The following VPS39 variants were observed in gnomAD, a reference collection of about 807,000 sequenced individuals.
VPS39 encodes the protein VPS39 subunit of HOPS complex.
Under a neutral mutation model 121.0 loss-of-function variants are expected in VPS39, and 70 were observed. The observed-to-expected ratio is 0.58, with a 90% CI of 0.48 to 0.71. The LOEUF is 0.71. Ranked by LOEUF, VPS39 falls within the 30% of genes least tolerant of loss-of-function variation. The probability of loss-of-function intolerance (pLI) is 0.00; values close to 1 mark genes in which losing one functional copy is unlikely to be tolerated. For synonymous variants in VPS39, 378 were observed against 398.1 expected (o/e 0.95, Z 0.60); for missense variants, 818 against 1,051.5 (o/e 0.78, Z 3.07).
chr15:42,172,308 G>C (rs115559049), intron 11 of VPS39, among the ~76,000 whole-genome samples: 2,179 of 152,260 alleles, frequency 0.014, 47 homozygotes, highest in African/African-American at 0.05. Context: ...GACAAGAACT[G>C]AGGCCCCTGG....
intron 1 of VPS39, among the ~76,000 whole-genome samples, chr15:42,200,548 T>C (rs1295652576): frequency 6.6e-6 from 1 of 152,176 alleles, no homozygotes; most frequent in Non-Finnish European, 1.5e-5. Context: ...GTAGAAAATA[T>C]TTAATAACAA....
chr15:42,174,084 A>G (rs1235782618), intron 10 of VPS39, among the ~76,000 whole-genome samples: 4 of 152,044 alleles, frequency 2.6e-5, no homozygotes, highest in Non-Finnish European at 5.9e-5. Flanking sequence ...CGTCTCTACT[A>G]AAAATACAAA....
At position 42,169,872 on chromosome 15, in the gene VPS39, T is replaced by A; in HGVS notation, c.1091-6A>T. 1 of 1,606,926 alleles carries A rather than the reference T, an allele frequency of 6.2e-7. No homozygotes were observed. The highest frequency in any genetic ancestry group is 1.1e-5 in the South Asian group (1 of 89,892). ...GCCCATCACATGGGTGGGATCTATA[T>A]GGAAGGTAAACATGATTCCTCTGGA... is the stretch of plus-strand genomic sequence containing the variant. On this transcript the variant is annotated splice_region_variant and splice_polypyrimidine_tract_variant and intron_variant, in intron 11 of 24. Coordinates refer to ENST00000318006, the MANE Select transcript of VPS39 (RefSeq NM_015289.5).
intron 4 of VPS39, among the ~76,000 whole-genome samples, chr15:42,190,432 A>T (rs1455857373): frequency 2.0e-5 from 3 of 152,196 alleles, no homozygotes; most frequent in African/African-American, 7.2e-5. Flanking sequence ...GTGTGAGATC[A>T]GCTGCTAGTC....
chr15:42,172,775 T>A (rs971314980), intron 11 of VPS39, among the ~76,000 whole-genome samples: 1 of 152,188 alleles, frequency 6.6e-6, no homozygotes, highest in African/African-American at 2.4e-5. Context: ...TAATCTCCCA[T>A]CAATTTTATG....
chr15:42,189,112 A>G lies in VPS39; in HGVS notation c.342+2T>C. The G allele has an allele frequency of 6.2e-7, 1 of 1,612,766 alleles. No individual in the cohort carries two copies. The highest frequency in any genetic ancestry group is 2.2e-5 in the East Asian group (1 of 44,856). Reference sequence around the variant, plus strand: ...GCCAAATTTCATCTTGGGTAAACTTACCTGGAGGTCACAAGTAAACAGTGA... The same window carrying G: ...GCCAAATTTCATCTTGGGTAAACTTGCCTGGAGGTCACAAGTAAACAGTGA... On this transcript the variant is annotated splice_donor_variant, in intron 5 of 24. Coordinates refer to ENST00000318006, the MANE Select transcript of VPS39 (RefSeq NM_015289.5). LOFTEE classifies it high-confidence loss of function.
intron 19 of VPS39, 83 bp from the exon 20 acceptor site, chr15:42,163,811 C>G: frequency 3.3e-6 from 3 of 910,768 alleles, no homozygotes; most frequent in South Asian, 1.7e-5. Flanking sequence ...GGAGTGGACA[C>G]GAGGCAATAT....
At chr15:42,187,221 C>A in intron 7 of VPS39, 50 bp downstream of exon 7, 1 of 1,456,934 alleles carries the variant, frequency 6.9e-7, no homozygotes. Context: ...AGCAGATAAT[C>A]ATCTTCCCCA....
chr15:42,171,447 A>T (rs994857466), intron 11 of VPS39, among the ~76,000 whole-genome samples: 30 of 152,298 alleles, frequency 2.0e-4, no homozygotes, highest in African/African-American at 7.0e-4. Context: ...GTGGGAACTG[A>T]GGATACTACA....
chr15:42,162,036 A>G lies in VPS39; in HGVS notation c.2456T>C (p.Leu819Pro). The stretch of plus-strand genomic sequence containing the variant: ...GTTTGGAAGGCCCATACCTACCCTC[A>G]GGAATTCTGCATGGAGAAGGTTCTT... ...VLKNLLHAEFLRVQEERILHQ... is the reference protein window; with the variant it reads ...VLKNLLHAEFPRVQEERILHQ... The change falls in exon 23 of 25, where the codon CTG becomes CCG. Residue 819 changes from leucine to proline, a missense_variant. Leu to Pro is a moderately conservative substitution (Grantham distance 98). Transcript: ENST00000318006. 1 of 1,614,238 alleles carries G rather than the reference A, an allele frequency of 6.2e-7. No individual in the cohort carries two copies. The highest frequency in any genetic ancestry group is 8.5e-7 in the Non-Finnish European group (1 of 1,180,044).
At chr15:42,199,458 C>A in intron 2 of VPS39, 1 of 359,388 alleles carries the variant, frequency 2.8e-6, no homozygotes, top group South Asian at 2.0e-5. Context: ...AAGGCAAACC[C>A]TGGTCCTCTC....
In VPS39 at chr15:42,191,179, G is replaced by C. The variant is rs1406129902; in HGVS notation, c.205-12C>G. 6.2e-7 allele frequency: 1 copy of C among 1,613,968 alleles called. No individual in the cohort carries two copies. The highest frequency in any genetic ancestry group is 2.2e-5 in the East Asian group (1 of 44,866). On this transcript the variant is annotated splice_polypyrimidine_tract_variant and intron_variant, in intron 3 of 24. Transcript: ENST00000318006. ...GAAACCACATGGATCTGGAAAATAG[G>C]AAATCATGAGACCCAATTAAACATT...
At chr15:42,175,293 A>G (rs2049428140) in intron 10 of VPS39, among the ~76,000 whole-genome samples, 3 of 151,826 alleles carry the variant, frequency 2.0e-5, no homozygotes, top group Non-Finnish European at 2.9e-5. Flanking sequence ...CTGTAGTCCC[A>G]GCTACTCAGG....
In VPS39 at chr15:42,187,377, G is replaced by A. The variant is rs1291203260; in HGVS notation, c.442-14C>T. ...ACTAAAGTCCCCCTGAAAAAAGAGA[G>A]CAAGGATCTGAATGAAATAAATATT... On this transcript the variant is annotated splice_polypyrimidine_tract_variant and intron_variant, in intron 6 of 24. Transcript: ENST00000318006. 6.3e-7 allele frequency: 1 copy of A among 1,582,998 alleles called. No homozygotes were observed. The highest frequency in any genetic ancestry group is 1.4e-5 in the African/African-American group (1 of 73,044).
At chr15:42,181,034 T>C (rs2049570439) in intron 8 of VPS39, among the ~76,000 whole-genome samples, 1 of 152,222 alleles carries the variant, frequency 6.6e-6, no homozygotes, top group Middle Eastern at 3.4e-3. Context: ...TTCAAAACAG[T>C]TGAAAATCAG....
intron 21 of VPS39, 76 bp downstream of exon 21, chr15:42,163,271 CTCA>C (rs1490902750): frequency 9.8e-6 from 15 of 1,535,582 alleles, no homozygotes; most frequent in Middle Eastern, 1.7e-4. Context: ...TATTCTGCCA[CTCA>C]TATTATTGCC....
chr15:42,199,312 A>C (rs1381638197), intron 2 of VPS39, among the ~76,000 whole-genome samples: 2 of 152,216 alleles, frequency 1.3e-5, no homozygotes, highest in Admixed American at 6.5e-5. Flanking sequence ...ACATTTGATT[A>C]GAACTTTAGT....
At position 42,208,284 on chromosome 15, in the gene VPS39, A is replaced by G. The variant is rs1020296477; in HGVS notation, c.-131T>C. On this transcript the variant is annotated 5_prime_UTR_variant, in exon 1 of 25. Coordinates refer to ENST00000318006, the MANE Select transcript of VPS39 (RefSeq NM_015289.5). Reference sequence around the variant, plus strand: ...ACCCCCCGGCTACAGGCCCTTCAACAACACAGCCATCGTCAACCCCGGACT... The same window carrying G: ...ACCCCCCGGCTACAGGCCCTTCAACGACACAGCCATCGTCAACCCCGGACT... The G allele has an allele frequency of 1.2e-5, 14 of 1,202,464 alleles. No homozygotes were observed. The African/African-American group carries it at 1.7e-4, about 14-fold the overall frequency. 74.5% of individuals were successfully genotyped at this position (1,202,464 alleles called of 1,614,324 possible).
Position 42,161,803 on chromosome 15 carries a change from T to G in VPS39, c.2461-30A>C, listed in dbSNP as rs771821713. ...AAGAACAGGGGGATTGAGGAAGAAG[T>G]TCTACAGTGTGGCACCCAGAAACAG... On this transcript the variant is annotated intron_variant, in intron 23 of 24. Coordinates refer to ENST00000318006, the MANE Select transcript of VPS39 (RefSeq NM_015289.5). 12 of 1,612,048 alleles carry G rather than the reference T, an allele frequency of 7.4e-6. No homozygotes were observed. In the South Asian group the frequency reaches 1.3e-4, roughly 18 times the overall value.
Sources: allele counts gnomAD v4.1 joint callset (sites outside exome capture counted in the v4.1 genomes callset), GRCh38; gene constraint gnomAD v4.1.1; transcripts MANE v1.5; gene names NCBI Gene and HGNC (gene_info 2026-07-23, HGNC 2026-07-21).